AKAP13: variants seen among roughly 807,000 people sequenced by gnomAD.
AKAP13 encodes the protein A-kinase anchoring protein 13.
Under a neutral mutation model 264.5 loss-of-function variants are expected in AKAP13, and 80 were observed. The ratio of observed to expected loss-of-function variants is 0.30; its 90% CI spans 0.25 to 0.36. AKAP13 has a LOEUF of 0.36. Among genes scored for constraint, AKAP13 ranks in the 10% least tolerant of loss-of-function variants. The probability of loss-of-function intolerance (pLI) is 1.00; values close to 1 mark genes in which losing one functional copy is unlikely to be tolerated. For missense variants in AKAP13, 3,712 were observed against 3,435.2 expected (o/e 1.08, Z -2.01); for synonymous variants, 1,380 against 1,250.2 (o/e 1.10, Z -2.19).
chr15:85,390,583 T>A (rs1229297164), intron 1 of AKAP13, among the ~76,000 whole-genome samples: 1 of 152,110 alleles, frequency 6.6e-6, no homozygotes, highest in African/African-American at 2.4e-5. Flanking sequence ...CAAGGTTGAT[T>A]TAGGCTTTAA....
intron 4 of AKAP13, among the ~76,000 whole-genome samples, chr15:85,538,169 C>G (rs1167366801): frequency 6.6e-6 from 1 of 152,118 alleles, no homozygotes; most frequent in South Asian, 2.1e-4. Flanking sequence ...GCATAACTCC[C>G]AGGTAATGTA....
chr15:85,540,838 C>T (rs186832634), intron 4 of AKAP13, among the ~76,000 whole-genome samples: 152 of 152,322 alleles, frequency 1.0e-3, no homozygotes, highest in Non-Finnish European at 1.8e-3. Context: ...GGGGTATATG[C>T]ATGCGGTGGA....
At chr15:85,429,322 A>G (rs796304793) in intron 1 of AKAP13, among the ~76,000 whole-genome samples, 1 of 152,162 alleles carries the variant, frequency 6.6e-6, no homozygotes, top group African/African-American at 2.4e-5. Flanking sequence ...CTCGTGCAAG[A>G]CTAATGGTCC....
intron 2 of AKAP13, among the ~76,000 whole-genome samples, chr15:85,488,469 T>G (rs1413161404): frequency 1.3e-5 from 2 of 152,254 alleles, no homozygotes; most frequent in Non-Finnish European, 2.9e-5. Context: ...TACAGAAGGA[T>G]GGCTTCCCCA....
rs539255820 is a variant in AKAP13 at position 85,700,456 on chromosome 15, G to C, written c.5464+7005G>C. On this transcript the variant is annotated intron_variant, in intron 17 of 36. Transcript: ENST00000394518. ...AGAGCAAGATCTGGGTTACCTCTTGGAGACTTCCATTGCCCAACGATGCCA... is the reference window on the plus strand; with the variant it reads ...AGAGCAAGATCTGGGTTACCTCTTGCAGACTTCCATTGCCCAACGATGCCA... Among the ~76,000 whole-genome samples, 6 of 152,288 alleles carry C rather than the reference G, an allele frequency of 3.9e-5. No homozygotes were observed. In the South Asian group the frequency reaches 8.3e-4, roughly 21 times the overall value.
chr15:85,715,563 G>A (rs957397509), intron 19 of AKAP13, among the ~76,000 whole-genome samples: 3 of 151,586 alleles, frequency 2.0e-5, no homozygotes, highest in South Asian at 2.1e-4. Context: ...CCACTGTAAA[G>A]CGCCTTACTT....
At chr15:85,419,788 A>C (rs1297463127) in intron 1 of AKAP13, among the ~76,000 whole-genome samples, 2 of 152,286 alleles carry the variant, frequency 1.3e-5, no homozygotes, top group East Asian at 3.9e-4. Context: ...GTCAATATCT[A>C]AGGATAAGTA....
chr15:85,738,412 G>C (rs2088698432), intron 33 of AKAP13, among the ~76,000 whole-genome samples: 1 of 151,854 alleles, frequency 6.6e-6, no homozygotes, highest in Non-Finnish European at 1.5e-5. Context: ...AAAAGAATAA[G>C]GGGTAAAAAA....
At chr15:85,501,517 G>T (rs2076036936) in intron 2 of AKAP13, among the ~76,000 whole-genome samples, 1 of 152,224 alleles carries the variant, frequency 6.6e-6, no homozygotes, top group Non-Finnish European at 1.5e-5. Flanking sequence ...TGCAGTAGAG[G>T]TTGGCAGAAA....
intron 21 of AKAP13, 110 bp from the exon 22 acceptor site, chr15:85,717,897 C>G (rs79813743): frequency 0.086 from 89,317 of 1,033,696 alleles, 4,656 homozygotes; most frequent in Admixed American, 0.2. Flanking sequence ...TGAATATCCC[C>G]TGTATTCATG....
chr15:85,510,554 G>T (rs1367223808), intron 2 of AKAP13, among the ~76,000 whole-genome samples: 1 of 152,138 alleles, frequency 6.6e-6, no homozygotes, highest in Non-Finnish European at 1.5e-5. Flanking sequence ...TTTAAAAAAT[G>T]ATCCCAGTAA....
intron 5 of AKAP13, among the ~76,000 whole-genome samples, chr15:85,553,475 C>T (rs1261863651): frequency 1.3e-5 from 2 of 152,234 alleles, no homozygotes; most frequent in East Asian, 1.9e-4. Context: ...GGTTATCTAG[C>T]CGGTGCACTA....
intron 8 of AKAP13, among the ~76,000 whole-genome samples, chr15:85,638,299 C>T (rs546277795): frequency 2.6e-5 from 4 of 152,082 alleles, no homozygotes; most frequent in Admixed American, 2.6e-4. Context: ...TTTTAATTCT[C>T]TTATATTTAA....
intron 7 of AKAP13, chr15:85,582,967 C>T: frequency 1.0e-6 from 1 of 985,414 alleles, no homozygotes; most frequent in South Asian, 4.7e-5. Flanking sequence ...CAAAGAGAAA[C>T]CGCTATTGCT....
At chr15:85,473,622 T>C (rs1467077183) in intron 1 of AKAP13, among the ~76,000 whole-genome samples, 3 of 152,046 alleles carry the variant, frequency 2.0e-5, no homozygotes, top group South Asian at 4.2e-4. Flanking sequence ...AGAACTCAGG[T>C]TGCTTCAAAA....
At chr15:85,512,398 T>C (rs8042776) in intron 2 of AKAP13, among the ~76,000 whole-genome samples, 89,202 of 151,916 alleles carry the variant, frequency 0.59, 26,827 homozygotes, top group Admixed American at 0.69. Flanking sequence ...TTCTTGTTCT[T>C]AGCACCCTCT....
At chr15:85,619,271 G>A in intron 8 of AKAP13, 1 of 693,144 alleles carries the variant, frequency 1.4e-6, no homozygotes, top group African/African-American at 1.9e-5. Flanking sequence ...CTCCAAGGCT[G>A]CGGGTGCGGA....
intron 8 of AKAP13, among the ~76,000 whole-genome samples, chr15:85,620,438 T>C (rs1263883527): frequency 6.6e-6 from 1 of 152,164 alleles, no homozygotes; most frequent in Non-Finnish European, 1.5e-5. Context: ...GAGAACCTCA[T>C]ACTGTTGAAA....
At chr15:85,657,452 G>A (rs571399174) in intron 11 of AKAP13, among the ~76,000 whole-genome samples, 54 of 152,214 alleles carry the variant, frequency 3.5e-4, no homozygotes, top group Non-Finnish European at 6.9e-4. Flanking sequence ...TAATTTTTCA[G>A]TCCTCTCCAT....
Sources: gnomAD v4.1 joint callset for allele counts (sites outside exome capture counted in the v4.1 genomes callset) on GRCh38, gnomAD v4.1.1 for gene constraint, MANE v1.5 for transcripts, NCBI Gene and HGNC (gene_info 2026-07-23, HGNC 2026-07-21) for gene names.